The following TTC28 variants were observed in gnomAD, a reference collection of about 807,000 sequenced individuals.
TTC28 encodes the protein tetratricopeptide repeat domain 28, also known as tetratricopeptide repeat protein 28.
In TTC28, 61 loss-of-function variants were observed where a neutral mutation model predicts 198.0. That is an observed-to-expected ratio of 0.31 (90% CI 0.25 to 0.38). TTC28 has a LOEUF of 0.38. TTC28 is among the 10% of genes least tolerant of loss of function. TTC28 has a pLI of 1.00. For synonymous variants in TTC28, 1,171 were observed against 1,297.8 expected (o/e 0.90, Z 2.10); for missense variants, 2,678 against 3,164.0 (o/e 0.85, Z 3.69).
intron 2 of TTC28, among the ~76,000 whole-genome samples, chr22:28,441,919 A>C (rs2047628503): frequency 6.6e-6 from 1 of 150,750 alleles, no homozygotes; most frequent in South Asian, 2.1e-4. Context: ...CCTGTTATGC[A>C]GTGAACAACT....
At chr22:28,535,314 T>C (rs988986351) in intron 2 of TTC28, among the ~76,000 whole-genome samples, 1 of 152,184 alleles carries the variant, frequency 6.6e-6, no homozygotes, top group African/African-American at 2.4e-5. Context: ...ATATTGAACA[T>C]TGACAACACC....
chr22:28,040,043 G>A (rs923304342), intron 12 of TTC28, among the ~76,000 whole-genome samples: 1 of 152,172 alleles, frequency 6.6e-6, no homozygotes, highest in Non-Finnish European at 1.5e-5. Flanking sequence ...CCAGGAAGAA[G>A]TTGAATCCCT....
In TTC28 at chr22:28,107,760, C is replaced by G. The variant is rs567419478; in HGVS notation, c.2085G>C (p.Glu695Asp). The change falls in exon 7 of 23, where the codon GAG becomes GAC. Residue 695 changes from glutamate (E) to aspartate (D), a missense_variant. Coordinates refer to ENST00000397906, the MANE Select transcript of TTC28 (RefSeq NM_001145418.2). ...CTAGGGACAGTAGGTACTTCTGACA[C>G]TCTTCAGCTTTACTGAAATTCAGCA... ...KALLNFSKAE[E>D]CQKYLLSLAQ... 6.4e-7 allele frequency: 1 copy of G among 1,552,024 alleles called. No homozygotes were observed. The highest frequency in any genetic ancestry group is 8.7e-7 in the Non-Finnish European group (1 of 1,147,048).
At chr22:28,141,475 C>A (rs1404772099) in intron 6 of TTC28, among the ~76,000 whole-genome samples, 2 of 152,090 alleles carry the variant, frequency 1.3e-5, no homozygotes, top group Non-Finnish European at 2.9e-5. Flanking sequence ...TTCATTACGT[C>A]TCACTGAAAG....
intron 5 of TTC28, among the ~76,000 whole-genome samples, chr22:28,200,421 T>C (rs942311236): frequency 6.6e-6 from 1 of 152,294 alleles, no homozygotes; most frequent in South Asian, 2.1e-4. Context: ...AACAGTTTTA[T>C]TTTCTTTGAA....
At chr22:28,129,931 T>C (rs2146960654) in intron 6 of TTC28, among the ~76,000 whole-genome samples, 1 of 152,276 alleles carries the variant, frequency 6.6e-6, no homozygotes, top group South Asian at 2.1e-4. Flanking sequence ...GGAGATGAGA[T>C]GCTGTTGATC....
At chr22:28,063,462 A>G (rs1940629321) in intron 12 of TTC28, among the ~76,000 whole-genome samples, 2 of 152,146 alleles carry the variant, frequency 1.3e-5, no homozygotes, top group Admixed American at 6.6e-5. Flanking sequence ...ACACCCCTCC[A>G]GAATCTGTGT....
intron 5 of TTC28, among the ~76,000 whole-genome samples, chr22:28,179,866 T>C (rs1443096081): frequency 6.6e-6 from 1 of 152,244 alleles, no homozygotes; most frequent in Non-Finnish European, 1.5e-5. Context: ...ATCATAGTTA[T>C]AGTTGACACT....
At chr22:28,050,327 A>C (rs960542834) in intron 12 of TTC28, among the ~76,000 whole-genome samples, 2 of 152,194 alleles carry the variant, frequency 1.3e-5, no homozygotes, top group African/African-American at 4.8e-5. Context: ...AGGCATTTCC[A>C]TTAGCACAGC....
chr22:28,671,336 G>A (rs1228866502), intron 1 of TTC28, among the ~76,000 whole-genome samples: 1 of 151,896 alleles, frequency 6.6e-6, no homozygotes, highest in Non-Finnish European at 1.5e-5. Context: ...ATATATATTT[G>A]CAAATATTTT....
chr22:28,229,661 A>G (rs1235115627), intron 5 of TTC28, among the ~76,000 whole-genome samples: 1 of 152,168 alleles, frequency 6.6e-6, no homozygotes, highest in Non-Finnish European at 1.5e-5. Context: ...AAGAGCTGCT[A>G]GTCTTAAAAG....
At chr22:28,197,432 T>TA (rs1162368464) in intron 5 of TTC28, among the ~76,000 whole-genome samples, 7 of 150,534 alleles carry the variant, frequency 4.7e-5, no homozygotes, top group Non-Finnish European at 8.9e-5. Context: ...ATAATAATAA[T>TA]AAAAAAAGGA....
At chr22:28,146,548 A>C (rs1943474106) in intron 6 of TTC28, among the ~76,000 whole-genome samples, 1 of 152,196 alleles carries the variant, frequency 6.6e-6, no homozygotes, top group African/African-American at 2.4e-5. Flanking sequence ...TTTCTGGTTA[A>C]ACTCCAGATC....
intron 6 of TTC28, among the ~76,000 whole-genome samples, chr22:28,125,913 G>A (rs1193685189): frequency 6.6e-6 from 1 of 152,020 alleles, no homozygotes; most frequent in African/African-American, 2.4e-5. Context: ...TAAAGTAGGT[G>A]AAAAAAATAC....
intron 2 of TTC28, among the ~76,000 whole-genome samples, chr22:28,591,036 C>T (rs1194907015): frequency 0.023 from 656 of 28,848 alleles, 4 homozygotes; most frequent in Non-Finnish European, 0.03. Context: ...CACACACACA[C>T]ACACATATAT....
chr22:28,144,156 C>A (rs1943405822), intron 6 of TTC28, among the ~76,000 whole-genome samples: 1 of 152,194 alleles, frequency 6.6e-6, no homozygotes, highest in Non-Finnish European at 1.5e-5. Flanking sequence ...AGAGCCACAC[C>A]CTTCATTGCT....
At chr22:28,131,379 G>C (rs1943056415) in intron 6 of TTC28, among the ~76,000 whole-genome samples, 1 of 152,102 alleles carries the variant, frequency 6.6e-6, no homozygotes, top group Admixed American at 6.5e-5. Context: ...TGGTCATTTT[G>C]TAGACAATGA....
chr22:28,233,122 T>A (rs2147233422), intron 5 of TTC28, among the ~76,000 whole-genome samples: 1 of 152,226 alleles, frequency 6.6e-6, no homozygotes, highest in East Asian at 1.9e-4. Context: ...AAAATCCATT[T>A]TAATTTTCAA....
chr22:28,328,267 C>A (rs1289826152), intron 2 of TTC28, among the ~76,000 whole-genome samples: 1 of 151,708 alleles, frequency 6.6e-6, no homozygotes, highest in Non-Finnish European at 1.5e-5. Context: ...CCCCCCACCT[C>A]TACAAAAATA....
Sources: allele counts gnomAD v4.1 joint callset (sites outside exome capture counted in the v4.1 genomes callset), GRCh38; gene constraint gnomAD v4.1.1; transcripts MANE v1.5; gene names NCBI Gene and HGNC (gene_info 2026-07-23, HGNC 2026-07-21).